Variants in FRYL observed in about 807,000 individuals in gnomAD.
FRYL encodes protein furry homolog-like.
FRYL carries 150 observed loss-of-function variants against 351.2 expected under a neutral mutation model. The ratio of observed to expected loss-of-function variants is 0.43; its 90% confidence interval spans 0.37 to 0.49. The LOEUF is 0.49. Among genes scored for constraint, FRYL ranks in the 20% least tolerant of loss-of-function variants. The pLI is 0.00. For missense variants in FRYL, 3,036 were observed against 3,619.3 expected, an observed-to-expected ratio of 0.84 and a Z score of 4.13; for synonymous variants, 1,153 against 1,257.1, an observed-to-expected ratio of 0.92 and a Z score of 1.75.
intron 1 of FRYL, among the ~76,000 whole-genome samples, chr4:48,762,953 C>A (rs180849179): frequency 6.6e-6 from 1 of 151,946 alleles, no homozygotes; most frequent in Non-Finnish European, 1.5e-5. Flanking sequence ...TAGGAAAAGA[C>A]CCAACCTTTT....
At chr4:48,680,905 G>C in intron 3 of FRYL, 2 of 965,932 alleles carry the variant, frequency 2.1e-6, no homozygotes, top group Non-Finnish European at 2.6e-6. Context: ...TTTAAAGGAT[G>C]CAAAGAAATA....
intron 7 of FRYL, among the ~76,000 whole-genome samples, chr4:48,615,410 C>T (rs1749219664): frequency 6.6e-6 from 1 of 152,200 alleles, no homozygotes; most frequent in Non-Finnish European, 1.5e-5. Flanking sequence ...TAAAACCAAG[C>T]CAAGAGCTTG....
At chr4:48,739,037 A>T (rs1389951225) in intron 1 of FRYL, among the ~76,000 whole-genome samples, 1 of 152,182 alleles carries the variant, frequency 6.6e-6, no homozygotes, top group African/African-American at 2.4e-5. Context: ...ACACTCATCA[A>T]GACAAGGGTG....
Position 48,505,837 on chromosome 4 carries a change from T to TAACA in FRYL, c.8395-226_8395-223dup, listed in dbSNP as rs772989922. 5.9e-4 allele frequency: 266 copies of TAACA among 448,524 alleles called. 1 individual carries two copies. Among genetic ancestry groups the TAACA allele is most frequent in the Middle Eastern group, 3.5e-3 (6 of 1,730 alleles). 27.8% of individuals were successfully genotyped at this position (448,524 alleles called of 1,614,324 possible). Reference sequence around the variant, plus strand: ...AGGCACACACTTGTGACAGCTATACTAACAAAACCCATTCCATTCTAGGGA... The same window carrying TAACA: ...AGGCACACACTTGTGACAGCTATACTAACAAACAAAACCCATTCCATTCTAGGGA... On this transcript the variant is annotated intron_variant, in intron 59 of 63. Coordinates refer to ENST00000358350, the MANE Select transcript of FRYL (RefSeq NM_015030.2).
intron 14 of FRYL, 47 bp from the exon 15 acceptor site, chr4:48,595,745 C>A (rs1169991619): frequency 1.6e-6 from 2 of 1,288,596 alleles, no homozygotes; most frequent in South Asian, 2.6e-5. Flanking sequence ...ACATCAACAG[C>A]ATATTAGCAA....
At chr4:48,607,321 C>G (rs1747057657) in intron 9 of FRYL, among the ~76,000 whole-genome samples, 1 of 151,974 alleles carries the variant, frequency 6.6e-6, no homozygotes, top group East Asian at 1.9e-4. Context: ...ACATGCTTTC[C>G]AGTGGTCACT....
intron 23 of FRYL, among the ~76,000 whole-genome samples, chr4:48,577,285 C>T (rs955324697): frequency 3.3e-5 from 5 of 151,902 alleles, no homozygotes; most frequent in African/African-American, 1.2e-4. Context: ...TTCCAAATAC[C>T]GAAATTATGT....
intron 2 of FRYL, among the ~76,000 whole-genome samples, chr4:48,702,338 C>G (rs928181541): frequency 1.3e-5 from 2 of 151,058 alleles, no homozygotes; most frequent in African/African-American, 2.4e-5. Context: ...TGTCTGTAAT[C>G]CCAGCTACTC....
At position 48,502,857 on chromosome 4, in the gene FRYL, G is replaced by A. The variant is rs1720019984; in HGVS notation, c.8464-12C>T. On this transcript the variant is annotated splice_polypyrimidine_tract_variant and intron_variant, in intron 60 of 63. Transcript: ENST00000358350. Reference sequence around the variant, plus strand: ...AGTATTTCCATTTGCTAAGCAAGAAGGTGATCAGGTCACAAAAAATACAAA... The same window carrying A: ...AGTATTTCCATTTGCTAAGCAAGAAAGTGATCAGGTCACAAAAAATACAAA... 1 of 1,606,506 alleles carries A rather than the reference G, an allele frequency of 6.2e-7. No homozygotes were observed. The highest frequency in any genetic ancestry group is 8.5e-7 in the Non-Finnish European group (1 of 1,175,130).
rs1223252284 is a variant in FRYL, at chr4:48,655,996, GTATATAATGTAAAA to G, written c.-80-21520_-80-21507del. ...GCATTATATATAATGTGCAATATAT[GTATATAATGTAAAA>G]TATATAATGTAAAATATAATGTATG... On this transcript the variant is annotated intron_variant, in intron 3 of 63. Coordinates refer to ENST00000358350, the MANE Select transcript of FRYL (RefSeq NM_015030.2). Among the ~76,000 whole-genome samples the G allele has an allele frequency of 3.2e-3, 438 of 136,774 alleles. 3 individuals carry two copies. Among genetic ancestry groups the G allele is most frequent in the African/African-American group, 0.011 (428 of 37,482 alleles). The allele number at this position is 136,774 out of a possible 152,430, so 89.7% of individuals were successfully genotyped here.
At chr4:48,580,779 T>G in intron 22 of FRYL, 86 bp downstream of exon 22, 1 of 821,476 alleles carries the variant, frequency 1.2e-6, no homozygotes, top group Non-Finnish European at 2.0e-6. Context: ...AGGAAGTTAT[T>G]TTATGTATGC....
chr4:48,510,536 T>G (rs1163962615), intron 58 of FRYL, among the ~76,000 whole-genome samples: 1 of 152,170 alleles, frequency 6.6e-6, no homozygotes, highest in Non-Finnish European at 1.5e-5. Context: ...GGTGGAGGTT[T>G]AGGCATCTCC....
intron 4 of FRYL, among the ~76,000 whole-genome samples, chr4:48,629,092 T>A (rs1430693865): frequency 6.6e-6 from 1 of 151,056 alleles, no homozygotes; most frequent in African/African-American, 2.4e-5. Flanking sequence ...CTATAAAAAG[T>A]TAATAATAAT....
intron 35 of FRYL, 104 bp downstream of exon 35, chr4:48,556,874 C>A: frequency 9.8e-7 from 1 of 1,022,584 alleles, no homozygotes; most frequent in Non-Finnish European, 1.4e-6. Context: ...CCGGCCCTTG[C>A]CTTGCCTTGC....
chr4:48,664,421 C>G (rs561424281), intron 3 of FRYL, among the ~76,000 whole-genome samples: 18 of 152,262 alleles, frequency 1.2e-4, no homozygotes, highest in African/African-American at 3.9e-4. Flanking sequence ...AATAAGGAAA[C>G]AGATTTCCAA....
At chr4:48,509,165 T>C (rs1186971514) in intron 59 of FRYL, among the ~76,000 whole-genome samples, 2 of 152,110 alleles carry the variant, frequency 1.3e-5, no homozygotes, top group African/African-American at 2.4e-5. Flanking sequence ...GCTACTAAGA[T>C]AGCAAAACTG....
At chr4:48,704,523 C>CA (rs1477941423) in intron 2 of FRYL, among the ~76,000 whole-genome samples, 12 of 152,152 alleles carry the variant, frequency 7.9e-5, no homozygotes, top group African/African-American at 2.4e-4. Flanking sequence ...ACAACAACAA[C>CA]ACCACAAGGC....
intron 1 of FRYL, among the ~76,000 whole-genome samples, chr4:48,774,962 G>C (rs992460491): frequency 2.0e-5 from 3 of 152,186 alleles, no homozygotes; most frequent in African/African-American, 7.2e-5. Context: ...AGCAAAATAT[G>C]AGTTATTTGC....
intron 1 of FRYL, among the ~76,000 whole-genome samples, chr4:48,764,299 CAGG>C (rs1388936917): frequency 6.6e-6 from 1 of 152,104 alleles, no homozygotes; most frequent in Non-Finnish European, 1.5e-5. Context: ...GAGGTCAAGG[CAGG>C]AGGACTGCTT....
Sources: allele counts gnomAD v4.1 joint callset (sites outside exome capture counted in the v4.1 genomes callset), GRCh38; gene constraint gnomAD v4.1.1; transcripts MANE v1.5; gene names NCBI Gene and HGNC (gene_info 2026-07-23, HGNC 2026-07-21).